RSPH14: variants seen among roughly 807,000 people sequenced by gnomAD.
RSPH14 encodes rhabdoid tumor deletion region gene 1.
In RSPH14, 20 loss-of-function variants were observed where a neutral mutation model predicts 26.7. That is an observed-to-expected ratio of 0.75 (90% CI 0.53 to 1.09). The LOEUF is 1.09. Ranked by LOEUF, RSPH14 falls within the 50% of genes least tolerant of loss-of-function variation. RSPH14 has a pLI of 0.00. For synonymous variants in RSPH14, 177 were observed against 189.3 expected (o/e 0.93, Z 0.53); for missense variants, 449 against 457.2 (o/e 0.98, Z 0.16).
the RSPH14 span, chr22:23,152,314 A>G: frequency 2.6e-6 from 2 of 766,472 alleles, no homozygotes; most frequent in East Asian, 5.0e-5. Context: ...TGAAGGGGGA[A>G]CACAGTGTCT....
intron 4 of RSPH14, among the ~76,000 whole-genome samples, chr22:23,084,234 A>G (rs983199430): frequency 2.0e-5 from 3 of 152,200 alleles, no homozygotes; most frequent in Non-Finnish European, 4.4e-5. Flanking sequence ...TTTTCAGGTT[A>G]TGGTGCAAAA....
chr22:23,138,965 A>C, intron 2 of RSPH14, 23 bp from the exon 3 acceptor site: 1 of 1,519,958 alleles, frequency 6.6e-7, no homozygotes, highest in Non-Finnish European at 8.8e-7. Flanking sequence ...AAAAAAACAA[A>C]CAAACCAACC....
intron 4 of RSPH14, among the ~76,000 whole-genome samples, chr22:23,104,326 G>T (rs1414708899): frequency 6.6e-6 from 1 of 152,174 alleles, no homozygotes; most frequent in Non-Finnish European, 1.5e-5. Flanking sequence ...ACGGAGCCAG[G>T]GTTCAGCCCC....
chr22:23,174,861 G>A, the RSPH14 span, among the ~76,000 whole-genome samples: 6 of 151,908 alleles, frequency 3.9e-5, no homozygotes, highest in Admixed American at 2.6e-4. Flanking sequence ...CCAGCTACTC[G>A]GGAGGCTGAG....
chr22:23,170,898 G>A, the RSPH14 span, among the ~76,000 whole-genome samples: 54 of 152,094 alleles, frequency 3.6e-4, no homozygotes, highest in East Asian at 8.7e-3. Context: ...CCAGGCTGGC[G>A]TGCTGTGGCT....
chr22:23,145,338 C>T (rs764424293), upstream of RSPH14: 2 of 1,593,578 alleles, frequency 1.3e-6, no homozygotes, highest in Non-Finnish European at 1.7e-6. Flanking sequence ...GCCAGCCCCG[C>T]CCAGACTCCA....
chr22:23,151,712 C>T, the RSPH14 span, among the ~76,000 whole-genome samples: 1 of 152,188 alleles, frequency 6.6e-6, no homozygotes, highest in East Asian at 1.9e-4. Context: ...CAGCGAGACC[C>T]TGTCTCTAAA....
the RSPH14 span, among the ~76,000 whole-genome samples, chr22:23,172,268 C>T: frequency 6.6e-6 from 1 of 152,036 alleles, no homozygotes; most frequent in African/African-American, 2.4e-5. Flanking sequence ...TCACTACAAT[C>T]TCTGCCTATA....
upstream of RSPH14, chr22:23,142,161 C>T (rs1413862738): frequency 2.8e-6 from 1 of 356,958 alleles, no homozygotes; most frequent in Non-Finnish European, 3.9e-6. Flanking sequence ...AGACCAAAGG[C>T]AGCTCAGCTT....
Position 23,120,676 on chromosome 22 carries a change from C to T in RSPH14, c.421+13350G>A, listed in dbSNP as rs1160925235. ...CTGTGCTTGTCCCCTCACCCTTGAA[C>T]CCCCAGGTCCATACCCTGCTGGTGG... is the stretch of plus-strand genomic sequence containing the variant. On this transcript the variant is annotated intron_variant, in intron 4 of 6. Transcript: ENST00000216036. 2.6e-5 allele frequency among the ~76,000 whole-genome samples: 4 copies of T among 152,150 alleles called. No individual in the cohort carries two copies. The East Asian group carries it at 5.8e-4, about 22-fold the overall frequency.
the RSPH14 span, chr22:23,158,125 A>G: frequency 6.2e-5 from 98 of 1,578,800 alleles, no homozygotes; most frequent in Non-Finnish European, 7.7e-5. Flanking sequence ...TGGCCAGTGG[A>G]CCCTGACCCC....
At chr22:23,172,267 T>C in the RSPH14 span, among the ~76,000 whole-genome samples, 1 of 152,080 alleles carries the variant, frequency 6.6e-6, no homozygotes, top group Non-Finnish European at 1.5e-5. Context: ...CTCACTACAA[T>C]CTCTGCCTAT....
intron 4 of RSPH14, among the ~76,000 whole-genome samples, chr22:23,092,178 T>G (rs1466146578): frequency 6.6e-6 from 1 of 152,176 alleles, no homozygotes; most frequent in African/African-American, 2.4e-5. Flanking sequence ...ATCCTGGGAC[T>G]TGGGGAGTCC....
upstream of RSPH14, among the ~76,000 whole-genome samples, chr22:23,149,366 G>T (rs1483859351): frequency 6.6e-6 from 1 of 152,196 alleles, no homozygotes; most frequent in Non-Finnish European, 1.5e-5. Flanking sequence ...TCTAATTACA[G>T]ACCAGGTGAG....
intron 4 of RSPH14, among the ~76,000 whole-genome samples, chr22:23,130,489 G>GGAAAGAAAGAAAGAAA (rs2070328976): frequency 2.7e-4 from 1 of 3,756 alleles, no homozygotes; most frequent in Non-Finnish European, 5.6e-4. Context: ...AAAGAAAGAA[G>GGAAAGAAAGAAAGAAA]GAAAGAAAAA....
intron 4 of RSPH14, among the ~76,000 whole-genome samples, chr22:23,113,913 CTG>C (rs2069733479): frequency 6.6e-6 from 1 of 152,254 alleles, no homozygotes; most frequent in Non-Finnish European, 1.5e-5. Context: ...ATGTTGGTCA[CTG>C]TGTCAGCAGT....
chr22:23,134,716 A>G (rs960834162), intron 3 of RSPH14, among the ~76,000 whole-genome samples: 2 of 151,458 alleles, frequency 1.3e-5, no homozygotes, highest in Admixed American at 1.3e-4. Context: ...AATACAAAAA[A>G]TCAACCAAGC....
upstream of RSPH14, among the ~76,000 whole-genome samples, chr22:23,149,895 A>C (rs9612247): frequency 0.018 from 2,691 of 152,338 alleles, 35 homozygotes; most frequent in Non-Finnish European, 0.028. Flanking sequence ...CTCAAGGCTG[A>C]GGAAATAGAA....
chr22:23,076,104 G>A (rs1451470017), intron 4 of RSPH14, among the ~76,000 whole-genome samples: 1 of 152,216 alleles, frequency 6.6e-6, no homozygotes, highest in South Asian at 2.1e-4. Context: ...GGCAGTGAGG[G>A]CTGGCTCTTA....
Sources: gnomAD v4.1 joint callset for allele counts (sites outside exome capture counted in the v4.1 genomes callset) on GRCh38, gnomAD v4.1.1 for gene constraint, MANE v1.5 for transcripts, NCBI Gene and HGNC (gene_info 2026-07-23, HGNC 2026-07-21) for gene names.